ENTPD1: variants seen among roughly 807,000 people sequenced by gnomAD.
The protein encoded by ENTPD1 is ATP diphosphohydrolase.
Under a neutral mutation model 57.0 loss-of-function variants are expected in ENTPD1, and 33 were observed. The observed-to-expected ratio is 0.58, with a 90% CI of 0.44 to 0.77. The LOEUF is 0.77. Among genes scored for constraint, ENTPD1 ranks in the 30% least tolerant of loss-of-function variants. The probability of loss-of-function intolerance (pLI) is 0.00; values close to 1 mark genes in which losing one functional copy is unlikely to be tolerated. For synonymous variants in ENTPD1, 202 were observed against 218.8 expected (o/e 0.92, Z 0.68); for missense variants, 501 against 603.4 (o/e 0.83, Z 1.78).
chr10:95,861,557 A>G (rs897532704), intron 8 of ENTPD1: 4 of 152,202 alleles, frequency 2.6e-5, no homozygotes, highest in African/African-American at 9.7e-5. Context: ...CTCTCCAGGT[A>G]TTTTGTCTAG....
rs1590232775 is a variant in ENTPD1 at position 95,871,529 on chromosome 10, T to C, written c.*5146T>C. 2.0e-6 allele frequency: 2 copies of C among 985,474 alleles called. No homozygotes were observed. Among genetic ancestry groups the C allele is most frequent in the Non-Finnish European group, 2.4e-6 (2 of 829,932 alleles). 61.0% of individuals were successfully genotyped at this position (985,474 alleles called of 1,614,324 possible). A position where few individuals can be genotyped will look rare whatever the true frequency, so the allele number is the denominator to read the frequency against. ...ACTTTTTATTTGCATACAAATCTAA[T>C]ACAACTGAACACAATCAGTTTTATC... On this transcript the variant is annotated 3_prime_UTR_variant, in exon 10 of 10. Coordinates refer to ENST00000371205, the MANE Select transcript of ENTPD1 (RefSeq NM_001776.6).
At chr10:95,810,548 C>T (rs2098301677) in intron 1 of ENTPD1, among the ~76,000 whole-genome samples, 1 of 152,196 alleles carries the variant, frequency 6.6e-6, no homozygotes, top group Admixed American at 6.5e-5. Context: ...GCGCTCCTCA[C>T]TTCCCAGACA....
At chr10:95,729,080 T>G (rs2097986651) in intron 1 of ENTPD1, among the ~76,000 whole-genome samples, 1 of 151,984 alleles carries the variant, frequency 6.6e-6, no homozygotes, top group African/African-American at 2.4e-5. Context: ...TGTTGCAAAT[T>G]TCTAAAAATT....
At chr10:95,767,872 A>G (rs1453553125) in intron 1 of ENTPD1, among the ~76,000 whole-genome samples, 1 of 152,188 alleles carries the variant, frequency 6.6e-6, no homozygotes, top group African/African-American at 2.4e-5. Context: ...CAGTATAACA[A>G]TGTTGGGAGG....
At chr10:95,816,302 T>C (rs2098329887) in intron 1 of ENTPD1, among the ~76,000 whole-genome samples, 1 of 152,214 alleles carries the variant, frequency 6.6e-6, no homozygotes, top group African/African-American at 2.4e-5. Flanking sequence ...CATGTCTGTC[T>C]AACTACATGT....
rs1041024298 is a variant in ENTPD1 at position 95,876,338 on chromosome 10, G to C, written c.*9955G>C. The C allele has an allele frequency of 1.0e-6, 1 of 985,244 alleles. No homozygotes were observed. Among genetic ancestry groups the C allele is most frequent in the African/African-American group, 1.7e-5 (1 of 57,236 alleles). The allele number at this position is 985,244 out of a possible 1,614,324, so 61.0% of individuals were successfully genotyped here. A position where few individuals can be genotyped will look rare whatever the true frequency, so the allele number is the denominator to read the frequency against. On this transcript the variant is annotated 3_prime_UTR_variant, in exon 10 of 10. Coordinates refer to ENST00000371205, the MANE Select transcript of ENTPD1 (RefSeq NM_001776.6). ...AACAATGAAAATGGGGGCAAATACA[G>C]ATAAATGGTAATTCTTAGAATGAAC...
intron 1 of ENTPD1, among the ~76,000 whole-genome samples, chr10:95,782,342 A>G (rs1265826543): frequency 6.6e-6 from 1 of 152,212 alleles, no homozygotes; most frequent in Admixed American, 6.5e-5. Context: ...TATGGGTAGT[A>G]TATTTCCTTT....
chr10:95,770,256 A>AGTGT (rs1555282687), intron 1 of ENTPD1, among the ~76,000 whole-genome samples: 10,877 of 134,920 alleles, frequency 0.081, 412 homozygotes, highest in South Asian at 0.11. Context: ...TGAGTGAGTG[A>AGTGT]GTGTGTGTGT....
chr10:95,763,995 G>A (rs987577786), intron 1 of ENTPD1, among the ~76,000 whole-genome samples: 9 of 152,154 alleles, frequency 5.9e-5, no homozygotes, highest in African/African-American at 1.9e-4. Context: ...TTATTATCTG[G>A]AGACACAATT....
chr10:95,756,551 C>T (rs543527245), intron 1 of ENTPD1: 1 of 409,942 alleles, frequency 2.4e-6, no homozygotes, highest in East Asian at 4.6e-5. Context: ...CTTTTTCAGT[C>T]CCCTTGCAGT....
chr10:95,717,777 A>G (rs1184687189), intron 1 of ENTPD1, among the ~76,000 whole-genome samples: 1 of 152,118 alleles, frequency 6.6e-6, no homozygotes, highest in African/African-American at 2.4e-5. Context: ...GGGGCATGAT[A>G]GGGGTCGTGC....
intron 1 of ENTPD1, among the ~76,000 whole-genome samples, chr10:95,792,330 T>C (rs577619304): frequency 6.6e-6 from 1 of 152,328 alleles, no homozygotes; most frequent in Admixed American, 6.5e-5. Flanking sequence ...ATAGGCTTTA[T>C]TGCAATTTTA....
At chr10:95,763,413 G>A (rs1338518170) in intron 1 of ENTPD1, among the ~76,000 whole-genome samples, 1 of 152,082 alleles carries the variant, frequency 6.6e-6, no homozygotes. Context: ...TTTTTTCCAT[G>A]ATGGTTAGAG....
At chr10:95,837,464 A>G (rs1165415648) in intron 2 of ENTPD1, among the ~76,000 whole-genome samples, 1 of 152,176 alleles carries the variant, frequency 6.6e-6, no homozygotes, top group East Asian at 1.9e-4. Context: ...CATTTCTTGG[A>G]TTCCTTTCAC....
In ENTPD1 at chr10:95,866,898, A is replaced by G; in HGVS notation, c.*515A>G. 9.8e-7 allele frequency: 1 copy of G among 1,019,844 alleles called. No individual in the cohort carries two copies. Among genetic ancestry groups the G allele is most frequent in the Non-Finnish European group, 1.2e-6 (1 of 849,940 alleles). The allele number at this position is 1,019,844 out of a possible 1,614,324, so 63.2% of individuals were successfully genotyped here. On this transcript the variant is annotated 3_prime_UTR_variant, in exon 10 of 10. Coordinates refer to ENST00000371205, the MANE Select transcript of ENTPD1 (RefSeq NM_001776.6). ...TCCCAGCCTGCTCTGTGGGTAGGAG[A>G]ATTTTCTACAGTAGGCAAATATGTG...
At chr10:95,827,680 C>T (rs1355533267) in intron 2 of ENTPD1, among the ~76,000 whole-genome samples, 2 of 152,058 alleles carry the variant, frequency 1.3e-5, no homozygotes, top group African/African-American at 4.8e-5. Context: ...GACGGGGTTT[C>T]ACCTTGTTGG....
At chr10:95,717,123 A>G (rs1014871306) in intron 1 of ENTPD1, among the ~76,000 whole-genome samples, 4 of 152,212 alleles carry the variant, frequency 2.6e-5, no homozygotes, top group Non-Finnish European at 5.9e-5. Context: ...CTGTTCTGTG[A>G]GTAATAAAGT....
chr10:95,765,741 A>G (rs2098085986), intron 1 of ENTPD1, among the ~76,000 whole-genome samples: 1 of 152,204 alleles, frequency 6.6e-6, no homozygotes, highest in Non-Finnish European at 1.5e-5. Context: ...TGAGATTTTG[A>G]TAAGATTGCA....
Position 95,869,791 on chromosome 10 carries a change from A to G in ENTPD1, c.*3408A>G, listed in dbSNP as rs920038144. 9.5e-6 allele frequency: 7 copies of G among 733,834 alleles called. No homozygotes were observed. Among genetic ancestry groups the G allele is most frequent in the Non-Finnish European group, 1.7e-6 (1 of 600,786 alleles). The allele number at this position is 733,834 out of a possible 1,614,324, so 45.5% of individuals were successfully genotyped here. ...AGGAGAGTTTTCAGAAAGCAACTAA[A>G]TCCAAAATACTATCAAGGAATCAAT... On this transcript the variant is annotated 3_prime_UTR_variant, in exon 10 of 10. Transcript: ENST00000371205.
Sources: gnomAD v4.1 joint callset for allele counts (sites outside exome capture counted in the v4.1 genomes callset) on GRCh38, gnomAD v4.1.1 for gene constraint, MANE v1.5 for transcripts, NCBI Gene and HGNC (gene_info 2026-07-23, HGNC 2026-07-21) for gene names.